PTPRT: variants seen among roughly 807,000 people sequenced by gnomAD.
The protein encoded by PTPRT is receptor-type tyrosine-protein phosphatase T.
A neutral mutation model predicts 176.8 loss-of-function variants in PTPRT; 56 were observed. The ratio of observed to expected loss-of-function variants is 0.32; its 90% confidence interval spans 0.26 to 0.40. The LOEUF is 0.40. PTPRT is among the 10% of genes least tolerant of loss of function. PTPRT has a pLI of 1.00. For missense variants in PTPRT, 1,540 were observed against 1,908.2 expected (o/e 0.81, Z 3.60); for synonymous variants, 783 against 739.0 (o/e 1.06, Z -0.96).
chr20:42,132,114 G>A lies in PTPRT; in HGVS notation c.2771-3284C>T, dbSNP rs575514170. ...AGCCTAATACAGTGTTTCTTTTCTG[G>A]GACAGTGGAAAGGTGCTTTATTATG... On this transcript the variant is annotated intron_variant, in intron 18 of 30. Coordinates refer to ENST00000373187, the MANE Select transcript of PTPRT (RefSeq NM_007050.6). Among the ~76,000 whole-genome samples, 3 of 152,214 alleles carry A rather than the reference G, an allele frequency of 2.0e-5. No individual in the cohort carries two copies. In the East Asian group the frequency reaches 5.8e-4, roughly 29 times the overall value.
chr20:42,788,789 T>C (rs1269108023), intron 3 of PTPRT, among the ~76,000 whole-genome samples: 1 of 152,192 alleles, frequency 6.6e-6, no homozygotes, highest in Non-Finnish European at 1.5e-5. Flanking sequence ...GCCAGGTCCC[T>C]TCTGAGAGCC....
In PTPRT at chr20:43,090,489, T is replaced by C. The variant is rs368209583; in HGVS notation, c.88+99157A>G. 2.3e-3 allele frequency among the ~76,000 whole-genome samples: 347 copies of C among 152,184 alleles called. 1 individual carries two copies. Among genetic ancestry groups the C allele is most frequent in the East Asian group, 8.2e-3 (42 of 5,152 alleles). On this transcript the variant is annotated intron_variant, in intron 1 of 30. Coordinates refer to ENST00000373187, the MANE Select transcript of PTPRT (RefSeq NM_007050.6). The stretch of plus-strand genomic sequence containing the variant: ...TTCACCGTTTTAGCCAGGATGGTCT[T>C]GATATTCTGACCTCGTGATCCACCC...
intron 7 of PTPRT, among the ~76,000 whole-genome samples, chr20:42,649,061 C>T (rs538225512): frequency 3.3e-5 from 5 of 151,982 alleles, no homozygotes; most frequent in African/African-American, 9.7e-5. Context: ...CCTTGTGATC[C>T]GCCCACCTCG....
At chr20:42,928,774 C>T (rs757825996) in intron 1 of PTPRT, among the ~76,000 whole-genome samples, 29 of 152,300 alleles carry the variant, frequency 1.9e-4, no homozygotes, top group Non-Finnish European at 3.4e-4. Flanking sequence ...AGGTGAGAAA[C>T]GTCCCTCCCT....
At chr20:43,154,921 A>G (rs2014473963) in intron 1 of PTPRT, among the ~76,000 whole-genome samples, 2 of 152,218 alleles carry the variant, frequency 1.3e-5, no homozygotes, top group Non-Finnish European at 2.9e-5. Flanking sequence ...AAAAAAAGAC[A>G]TACAAATGGC....
At chr20:42,116,293 C>G (rs1390569336) in intron 21 of PTPRT, among the ~76,000 whole-genome samples, 2 of 152,176 alleles carry the variant, frequency 1.3e-5, no homozygotes, top group African/African-American at 4.8e-5. Context: ...GAGGACGCAG[C>G]ATTTCCCAAA....
intron 26 of PTPRT, 114 bp from the exon 27 acceptor site, chr20:42,098,666 A>G: frequency 1.5e-6 from 2 of 1,360,486 alleles, no homozygotes; most frequent in Non-Finnish European, 2.0e-6. Context: ...TAGATTATAC[A>G]AAACACCTGC....
intron 1 of PTPRT, among the ~76,000 whole-genome samples, chr20:43,163,696 A>G (rs1272344288): frequency 2.0e-5 from 3 of 152,034 alleles, no homozygotes; most frequent in Non-Finnish European, 4.4e-5. Flanking sequence ...TGGCTCATTC[A>G]TACACATTAT....
chr20:42,115,232 T>G lies in PTPRT; in HGVS notation c.3066A>C (p.Ala1022=), dbSNP rs1328596374. 1.9e-6 allele frequency: 3 copies of G among 1,614,146 alleles called. No homozygotes were observed. The Admixed American group carries it at 5.0e-5, about 27-fold the overall frequency. ...KVTLIETEPL[A]EYVIRTFTVQ... is the part of the protein sequence containing the mutation. The stretch of plus-strand genomic sequence containing the variant: ...CTGTGAAGGTGCGTATGACGTATTC[T>G]GCCAGGGGCTCTGTTTCAATCAGGG... The change falls in exon 22 of 31, where the codon GCA becomes GCC. Residue 1022 remains alanine, a synonymous_variant. Coordinates refer to ENST00000373187, the MANE Select transcript of PTPRT (RefSeq NM_007050.6).
At chr20:42,261,782 A>T (rs1020505054) in intron 13 of PTPRT, among the ~76,000 whole-genome samples, 5 of 152,026 alleles carry the variant, frequency 3.3e-5, no homozygotes, top group African/African-American at 4.8e-5. Context: ...TTTCCAACCA[A>T]CTCTGGCCAA....
chr20:42,136,208 C>T (rs913255872), intron 18 of PTPRT, among the ~76,000 whole-genome samples: 2 of 139,270 alleles, frequency 1.4e-5, no homozygotes, highest in Non-Finnish European at 3.0e-5. Context: ...GTCTTCTGGG[C>T]ACTACAGAGG....
chr20:42,389,875 A>C (rs2058784059), intron 9 of PTPRT, among the ~76,000 whole-genome samples: 1 of 151,470 alleles, frequency 6.6e-6, no homozygotes, highest in Non-Finnish European at 1.5e-5. Flanking sequence ...AAAAAGAAAG[A>C]AAGCCTTGAG....
intron 11 of PTPRT, among the ~76,000 whole-genome samples, chr20:42,349,356 C>T (rs1004397617): frequency 6.6e-6 from 1 of 152,212 alleles, no homozygotes; most frequent in Non-Finnish European, 1.5e-5. Flanking sequence ...TGTGCTCACA[C>T]TGGACACTCT....
At chr20:42,280,380 C>T (rs1677326760) in intron 13 of PTPRT, among the ~76,000 whole-genome samples, 1 of 152,152 alleles carries the variant, frequency 6.6e-6, no homozygotes, top group African/African-American at 2.4e-5. Flanking sequence ...ACATTCTGCA[C>T]TATCTAGTTC....
intron 1 of PTPRT, among the ~76,000 whole-genome samples, chr20:43,073,752 G>A (rs2011215008): frequency 6.6e-6 from 1 of 151,866 alleles, no homozygotes; most frequent in African/African-American, 2.4e-5. Flanking sequence ...TGGGAAGGGA[G>A]AGATACATGA....
At chr20:42,848,989 T>C (rs1230052021) in intron 2 of PTPRT, among the ~76,000 whole-genome samples, 4 of 152,212 alleles carry the variant, frequency 2.6e-5, no homozygotes, top group Non-Finnish European at 1.5e-5. Context: ...TTGATTTTTG[T>C]ATAAGGTGAG....
intron 1 of PTPRT, among the ~76,000 whole-genome samples, chr20:43,083,679 T>C (rs1245792515): frequency 6.6e-6 from 1 of 151,922 alleles, no homozygotes; most frequent in Non-Finnish European, 1.5e-5. Context: ...AATTTAATGA[T>C]TATTATTTAC....
At chr20:43,136,883 A>T (rs1031558401) in intron 1 of PTPRT, among the ~76,000 whole-genome samples, 6 of 152,156 alleles carry the variant, frequency 3.9e-5, no homozygotes, top group Non-Finnish European at 7.4e-5. Context: ...AAGGCTCCCG[A>T]GTTTATTTGA....
chr20:43,181,118 TGA>T (rs2015247597), intron 1 of PTPRT, among the ~76,000 whole-genome samples: 1 of 152,138 alleles, frequency 6.6e-6, no homozygotes, highest in South Asian at 2.1e-4. Context: ...AAACAGCTCA[TGA>T]GAGACGGAGG....
Sources: allele counts gnomAD v4.1 joint callset (sites outside exome capture counted in the v4.1 genomes callset), GRCh38; gene constraint gnomAD v4.1.1; transcripts MANE v1.5; gene names NCBI Gene and HGNC (gene_info 2026-07-23, HGNC 2026-07-21).